Variants in GARIN2 observed in about 807,000 individuals in gnomAD.
GARIN2 encodes the protein Golgi-associated RAB2 interactor protein 2.
chr14:67,212,876 A>T, the GARIN2 span, among the ~76,000 whole-genome samples: 1 of 150,298 alleles, frequency 6.7e-6, no homozygotes, highest in African/African-American at 2.5e-5. Flanking sequence ...TCACAATCCC[A>T]GAGCCTCTAG....
chr14:67,199,917 T>G, the GARIN2 span: 9 of 1,473,632 alleles, frequency 6.1e-6, no homozygotes, highest in Non-Finnish European at 7.3e-6. Context: ...CAGGACATCC[T>G]GGTCATGGAC....
chr14:67,205,407 A>C, the GARIN2 span, among the ~76,000 whole-genome samples: 1 of 152,194 alleles, frequency 6.6e-6, no homozygotes, highest in Admixed American at 6.5e-5. Flanking sequence ...ACTTCACCCA[A>C]GTCACAGAAT....
the GARIN2 span, chr14:67,208,576 G>GAATGATGAT: frequency 9.8e-7 from 1 of 1,022,456 alleles, no homozygotes; most frequent in South Asian, 1.7e-5. Context: ...TAGTGTAACT[G>GAATGATGAT]AATGATGATA....
At chr14:67,204,273 C>CA in the GARIN2 span, among the ~76,000 whole-genome samples, 11 of 151,986 alleles carry the variant, frequency 7.2e-5, no homozygotes, top group Admixed American at 1.3e-4. Context: ...CTTGTCTCTA[C>CA]AAAAAAATGC....
the GARIN2 span, among the ~76,000 whole-genome samples, chr14:67,190,014 A>ATTT: frequency 1.8e-5 from 2 of 113,238 alleles, no homozygotes; most frequent in South Asian, 2.8e-4. Flanking sequence ...CTAATTTTGT[A>ATTT]TTTTTTTTTT....
chr14:67,200,378 C>G, the GARIN2 span: 2 of 607,906 alleles, frequency 3.3e-6, no homozygotes, highest in South Asian at 4.0e-5. Flanking sequence ...TTTTCGATAC[C>G]TTGGACCAAT....
At chr14:67,221,953 T>G in the GARIN2 span, 2 of 1,003,708 alleles carry the variant, frequency 2.0e-6, no homozygotes, top group Non-Finnish European at 2.9e-6. Flanking sequence ...TGCTCCATTC[T>G]GAGAATCCTA....
chr14:67,191,929 C>T, the GARIN2 span, among the ~76,000 whole-genome samples: 2 of 152,196 alleles, frequency 1.3e-5, no homozygotes, highest in Non-Finnish European at 2.9e-5. Context: ...CCTAATGTAG[C>T]TGTCTGCTGA....
At chr14:67,204,443 A>G in the GARIN2 span, 7 of 1,393,900 alleles carry the variant, frequency 5.0e-6, no homozygotes, top group East Asian at 7.7e-5. Flanking sequence ...ACTTGTCTCA[A>G]AACAAACAAA....
the GARIN2 span, among the ~76,000 whole-genome samples, chr14:67,215,243 C>G: frequency 1.3e-5 from 2 of 152,120 alleles, no homozygotes; most frequent in South Asian, 4.1e-4. Context: ...ACTATAGGCT[C>G]ACCAGGAATC....
the GARIN2 span, among the ~76,000 whole-genome samples, chr14:67,227,285 C>G: frequency 6.6e-6 from 1 of 151,752 alleles, no homozygotes; most frequent in Admixed American, 6.6e-5. Flanking sequence ...ACTATAAATA[C>G]AAAAATTAGC....
At chr14:67,194,256 C>T in the GARIN2 span, among the ~76,000 whole-genome samples, 9 of 150,752 alleles carry the variant, frequency 6.0e-5, no homozygotes, top group Admixed American at 3.3e-4. Flanking sequence ...CCCAACTACT[C>T]GGGAGGCTGA....
chr14:67,198,130 C>T, the GARIN2 span: 1 of 1,589,412 alleles, frequency 6.3e-7, no homozygotes, highest in South Asian at 1.1e-5. Flanking sequence ...GTTTCCATTC[C>T]CTCAGTTTTT....
At chr14:67,226,353 A>C in the GARIN2 span, among the ~76,000 whole-genome samples, 1 of 143,118 alleles carries the variant, frequency 7.0e-6, no homozygotes, top group Non-Finnish European at 1.5e-5. Context: ...CACCACAACC[A>C]GCTAGTTTTT....
At chr14:67,199,266 A>C in the GARIN2 span, 1 of 1,596,824 alleles carries the variant, frequency 6.3e-7, no homozygotes, top group South Asian at 1.1e-5. Context: ...GATGCTGACT[A>C]TGCCATTAAG....
the GARIN2 span, among the ~76,000 whole-genome samples, chr14:67,202,265 G>GC: frequency 9.3e-4 from 142 of 152,086 alleles, 1 homozygote; most frequent in Admixed American, 3.1e-3. Flanking sequence ...ACATGGTGAA[G>GC]CCCCGTCTCT....
the GARIN2 span, among the ~76,000 whole-genome samples, chr14:67,226,492 C>G: frequency 7.2e-5 from 11 of 152,336 alleles, no homozygotes; most frequent in African/African-American, 2.6e-4. Flanking sequence ...TCCCAAGTAG[C>G]TGGGACTACA....
At chr14:67,195,208 T>G in the GARIN2 span, among the ~76,000 whole-genome samples, 1 of 152,340 alleles carries the variant, frequency 6.6e-6, no homozygotes, top group Middle Eastern at 3.4e-3. Context: ...CTGTTAACAC[T>G]TTCTGCTCCT....
At chr14:67,209,942 C>T in the GARIN2 span, among the ~76,000 whole-genome samples, 1 of 151,418 alleles carries the variant, frequency 6.6e-6, no homozygotes, top group African/African-American at 2.4e-5. Flanking sequence ...AGAAAATTTA[C>T]TCCAGAAGAC....
Sources: allele counts gnomAD v4.1 joint callset (sites outside exome capture counted in the v4.1 genomes callset), GRCh38; gene constraint gnomAD v4.1.1; transcripts MANE v1.5; gene names NCBI Gene and HGNC (gene_info 2026-07-23, HGNC 2026-07-21).